The following RAI14 variants were observed in gnomAD, a reference collection of about 807,000 sequenced individuals.
RAI14 encodes retinoic acid induced 14.
RAI14 carries 45 observed loss-of-function variants against 115.4 expected under a neutral mutation model. The ratio of observed to expected loss-of-function variants is 0.39; its 90% CI spans 0.31 to 0.50. The LOEUF (loss-of-function observed/expected upper bound fraction) is 0.50. Ranked by LOEUF, RAI14 falls within the 20% of genes least tolerant of loss-of-function variation. The probability of loss-of-function intolerance (pLI) is 0.85; values close to 1 mark genes in which losing one functional copy is unlikely to be tolerated. For missense variants in RAI14, 939 were observed against 1,131.2 expected (o/e 0.83, Z 2.44); for synonymous variants, 371 against 415.4 (o/e 0.89, Z 1.30).
intron 3 of RAI14, among the ~76,000 whole-genome samples, chr5:34,767,135 A>C (rs948354614): frequency 6.6e-6 from 1 of 152,220 alleles, no homozygotes; most frequent in African/African-American, 2.4e-5. Context: ...AAACAGACTA[A>C]TACAATTGCT....
intron 3 of RAI14, among the ~76,000 whole-genome samples, chr5:34,782,725 A>G (rs1751819224): frequency 6.6e-6 from 1 of 152,170 alleles, no homozygotes; most frequent in Admixed American, 6.6e-5. Context: ...TTTCCAGATA[A>G]TAGGAACTTT....
intron 2 of RAI14, among the ~76,000 whole-genome samples, chr5:34,748,555 G>C (rs1746589127): frequency 6.6e-6 from 1 of 152,200 alleles, no homozygotes; most frequent in Non-Finnish European, 1.5e-5. Context: ...TGCTTGCCCA[G>C]CTGAGAGTTG....
intron 2 of RAI14, among the ~76,000 whole-genome samples, chr5:34,697,656 G>A (rs1332720489): frequency 6.6e-6 from 1 of 152,168 alleles, no homozygotes; most frequent in Non-Finnish European, 1.5e-5. Context: ...ATCATGACCT[G>A]ATCTCACAGC....
intron 2 of RAI14, among the ~76,000 whole-genome samples, chr5:34,696,491 A>G (rs538213069): frequency 6.6e-6 from 1 of 152,330 alleles, no homozygotes; most frequent in Non-Finnish European, 1.5e-5. Context: ...TTGCCCTCAC[A>G]GGGAACTGGT....
intron 3 of RAI14, among the ~76,000 whole-genome samples, chr5:34,795,432 T>C (rs895573360): frequency 6.6e-6 from 1 of 152,212 alleles, no homozygotes; most frequent in African/African-American, 2.4e-5. Flanking sequence ...CATGCAACTA[T>C]TGTTACTCAG....
intron 2 of RAI14, among the ~76,000 whole-genome samples, chr5:34,734,930 A>G (rs1187857847): frequency 6.6e-6 from 1 of 152,164 alleles, no homozygotes; most frequent in Non-Finnish European, 1.5e-5. Flanking sequence ...AAATGCTGGG[A>G]TTACAGGTGT....
intron 8 of RAI14, among the ~76,000 whole-genome samples, chr5:34,811,454 A>G (rs1230062269): frequency 1.3e-5 from 2 of 152,190 alleles, no homozygotes; most frequent in African/African-American, 4.8e-5. Context: ...GTTATTTAAA[A>G]TGCTTGAGGT....
rs1561101826 is a variant in RAI14 at position 34,830,726 on chromosome 5, A to T, written c.2904A>T (p.Gln968His). 1.9e-6 allele frequency: 3 copies of T among 1,614,054 alleles called. No homozygotes were observed. The highest frequency in any genetic ancestry group is 2.5e-6 in the Non-Finnish European group (3 of 1,180,016). ...MDEDVQKVLK[Q>H]ILTMCKNQSQ... ...AAGATGTCCAGAAAGTACTGAAGCA[A>T]ATCCTTACCATGTGTAAAAACCAGT... is the stretch of plus-strand genomic sequence containing the variant. The change falls in exon 18 of 18, where the codon CAA becomes CAT. Residue 968 changes from glutamine to histidine, a missense_variant. By Grantham distance (24) the Gln-to-His change is conservative (BLOSUM62 0). Transcript: ENST00000265109.
rs141190584 is a variant in RAI14 at position 34,770,766 on chromosome 5, C to T, written c.167+13168C>T. Among the ~76,000 whole-genome samples the T allele has an allele frequency of 4.2e-3, 642 of 152,116 alleles. 19 individuals carry two copies. The highest frequency in any genetic ancestry group is 0.039 in the Admixed American group (602 of 15,286). ...AGGTCAAAAGGGAGCCAGGACACTGCGTGTAGAGCCTTGTATGCTACAGGA... is the reference window on the plus strand; with the variant it reads ...AGGTCAAAAGGGAGCCAGGACACTGTGTGTAGAGCCTTGTATGCTACAGGA... On this transcript the variant is annotated intron_variant, in intron 3 of 17. Coordinates refer to ENST00000265109, the MANE Select transcript of RAI14 (RefSeq NM_015577.3).
chr5:34,813,674 CA>C lies in RAI14; in HGVS notation c.852+17del. The C allele has an allele frequency of 6.3e-7, 1 of 1,578,134 alleles. No homozygotes were observed. Among genetic ancestry groups the C allele is most frequent in the Non-Finnish European group, 8.7e-7 (1 of 1,154,154 alleles). ...AGTCCTACCCAGGTAAAAACAAAAG[CA>C]AACCAACAATCAATAAACGCACCAC... On this transcript the variant is annotated intron_variant, in intron 11 of 17. Coordinates refer to ENST00000265109, the MANE Select transcript of RAI14 (RefSeq NM_015577.3).
intron 2 of RAI14, among the ~76,000 whole-genome samples, chr5:34,700,468 AC>A (rs1402351442): frequency 4.6e-5 from 7 of 152,184 alleles, no homozygotes; most frequent in African/African-American, 1.7e-4. Context: ...CATGTGGGAT[AC>A]TTGTCCTTGC....
chr5:34,708,317 C>G lies in RAI14; in HGVS notation c.36+21362C>G, dbSNP rs564180174. Among the ~76,000 whole-genome samples the G allele has an allele frequency of 2.4e-4, 36 of 152,124 alleles. No individual in the cohort carries two copies. The East Asian group carries it at 5.8e-3, about 25-fold the overall frequency. On this transcript the variant is annotated intron_variant, in intron 2 of 17. Coordinates refer to ENST00000265109, the MANE Select transcript of RAI14 (RefSeq NM_015577.3). ...TCCCGCGTTCAAGCGATTCTCCTGCCGTAGCCTCCCGAGTAGCTGGGATTA... is the reference window on the plus strand; with the variant it reads ...TCCCGCGTTCAAGCGATTCTCCTGCGGTAGCCTCCCGAGTAGCTGGGATTA...
At chr5:34,825,406 A>T (rs564661690) in intron 15 of RAI14, among the ~76,000 whole-genome samples, 2 of 152,206 alleles carry the variant, frequency 1.3e-5, no homozygotes, top group African/African-American at 4.8e-5. Flanking sequence ...TGAACCTGCA[A>T]ACTGGAAAGT....
rs1744949642 is a variant in RAI14, at chr5:34,686,894, G to A, written c.-26G>A. 4.3e-6 allele frequency: 7 copies of A among 1,612,918 alleles called. No individual in the cohort carries two copies. The highest frequency in any genetic ancestry group is 5.9e-6 in the Non-Finnish European group (7 of 1,179,368). Reference sequence around the variant, plus strand: ...TAGGTGTTGAAAAGTCTCCTCTAGAGCTTTGGAAGGCTGAATGCACTAAAC... The same window carrying A: ...TAGGTGTTGAAAAGTCTCCTCTAGAACTTTGGAAGGCTGAATGCACTAAAC... On this transcript the variant is annotated 5_prime_UTR_variant, in exon 2 of 18. Transcript: ENST00000265109.
chr5:34,789,698 A>G (rs1752704323), intron 3 of RAI14, among the ~76,000 whole-genome samples: 1 of 152,200 alleles, frequency 6.6e-6, no homozygotes, highest in Non-Finnish European at 1.5e-5. Flanking sequence ...AACATGTCAC[A>G]GACTCTGTGC....
intron 2 of RAI14, among the ~76,000 whole-genome samples, chr5:34,721,733 T>G (rs577775106): frequency 6.6e-6 from 1 of 152,006 alleles, no homozygotes; most frequent in Non-Finnish European, 1.5e-5. Context: ...TTTTTTGAGG[T>G]GGAGCCTTGC....
intron 12 of RAI14, 124 bp downstream of exon 12, chr5:34,814,793 C>A (rs1050215455): frequency 2.7e-6 from 2 of 742,234 alleles, no homozygotes; most frequent in East Asian, 2.8e-5. Flanking sequence ...AACCTTTTCA[C>A]CATGAAGTAC....
chr5:34,707,398 C>T (rs1182713361), intron 2 of RAI14, among the ~76,000 whole-genome samples: 3 of 152,126 alleles, frequency 2.0e-5, no homozygotes, highest in South Asian at 2.1e-4. Context: ...ACCTGGGAGG[C>T]GGGAGGTTGC....
At chr5:34,704,082 G>A (rs943824785) in intron 2 of RAI14, among the ~76,000 whole-genome samples, 1 of 152,184 alleles carries the variant, frequency 6.6e-6, no homozygotes, top group Non-Finnish European at 1.5e-5. Context: ...TGTTTCAAAA[G>A]CACCTTCCCA....
Sources: allele counts gnomAD v4.1 joint callset (sites outside exome capture counted in the v4.1 genomes callset), GRCh38; gene constraint gnomAD v4.1.1; transcripts MANE v1.5; gene names NCBI Gene and HGNC (gene_info 2026-07-23, HGNC 2026-07-21).